Variants in PC observed in about 807,000 individuals in gnomAD.
PC encodes the protein pyruvate carboxylase.
PC carries 46 observed loss-of-function variants against 107.8 expected under a neutral mutation model. The ratio of observed to expected loss-of-function variants is 0.43; its 90% CI spans 0.34 to 0.55. The LOEUF (loss-of-function observed/expected upper bound fraction) is 0.55. Among genes scored for constraint, PC ranks in the 20% least tolerant of loss-of-function variants. The pLI is 0.04. For synonymous variants in PC, 662 were observed against 684.7 expected, an observed-to-expected ratio of 0.97 and a Z score of 0.52; for missense variants, 1,241 against 1,643.1, an observed-to-expected ratio of 0.76 and a Z score of 4.23.
chr11:66,849,674 G>A lies in PC; in HGVS notation c.3084C>T (p.Gly1028=). 1 of 1,614,202 alleles carries A rather than the reference G, an allele frequency of 6.2e-7. No homozygotes were observed. Residue 1028 remains glycine, a synonymous_variant, in exon 21 of 23, where the codon GGC becomes GGT. Transcript: ENST00000393960. The part of the protein sequence containing the change: ...AHFKDFTATF[G]PLDSLNTRLF... ...GGCGAGTATTCAGGCTATCCAGGGG[G>A]CCAAAGGTGGCAGTGAAGTCCTTGA... is the stretch of plus-strand genomic sequence containing the variant.
rs992601566 is a variant in PC, at chr11:66,945,368, C to A, written c.-1+7062G>T. ...AGTTCCACCTATTTTTGTGGCCATA[C>A]TGCATAACAAAAAGGAAGCCTTAAA... On this transcript the variant is annotated intron_variant, in intron 3 of 22. Transcript: ENST00000393960. 3.9e-5 allele frequency among the ~76,000 whole-genome samples: 4 copies of A among 101,606 alleles called. 1 individual carries two copies. The highest frequency in any genetic ancestry group is 8.3e-5 in the Non-Finnish European group (4 of 48,330). 66.7% of individuals were successfully genotyped at this position (101,606 alleles called of 152,430 possible).
intron 10 of PC, among the ~76,000 whole-genome samples, chr11:66,867,842 G>A (rs1164682008): frequency 6.6e-6 from 1 of 152,250 alleles, no homozygotes; most frequent in Admixed American, 6.5e-5. Context: ...CTAAGGGGAG[G>A]GAGGGGCCTC....
chr11:66,916,944 ACT>A (rs1948476668), intron 3 of PC, among the ~76,000 whole-genome samples: 1 of 151,326 alleles, frequency 6.6e-6, no homozygotes, highest in African/African-American at 2.4e-5. Context: ...ACAGAGTGAG[ACT>A]CTGTCTCAAA....
intron 3 of PC, among the ~76,000 whole-genome samples, chr11:66,898,160 C>CT (rs907346864): frequency 4.6e-5 from 7 of 152,126 alleles, no homozygotes; most frequent in Admixed American, 4.6e-4. Flanking sequence ...AGCTGGGGTC[C>CT]TCCCATGTTC....
In PC at chr11:66,858,418, C is replaced by T. The variant is rs1946009325; in HGVS notation, c.1369-5035G>A. ...GGGCGTGATGCAGAGGCCTCTCCCG[C>T]CCCCCTGGTGCTGAGCTTTAGCGGG... On this transcript the variant is annotated intron_variant, in intron 12 of 22. Transcript: ENST00000393960. This position sits in a 1 kb window ranked among gnomAD's most constrained non-coding sequence, Gnocchi z 5.9. 6.4e-7 allele frequency: 1 copy of T among 1,554,780 alleles called. No individual in the cohort carries two copies. The highest frequency in any genetic ancestry group is 8.6e-7 in the Non-Finnish European group (1 of 1,156,120).
intron 3 of PC, among the ~76,000 whole-genome samples, chr11:66,942,328 A>T (rs971785146): frequency 3.4e-5 from 5 of 148,236 alleles, no homozygotes; most frequent in Admixed American, 6.8e-5. Context: ...TGAACCCGGG[A>T]GGTGGAGCTT....
At chr11:66,860,654 C>T (rs1281887931) in intron 12 of PC, 2 of 701,566 alleles carry the variant, frequency 2.9e-6, no homozygotes, top group African/African-American at 1.7e-5. Flanking sequence ...AAGGGCTGTG[C>T]CTGGTGTCTT....
In PC at chr11:66,852,871, TGGGCAGAGGCTGAGTCGA is replaced by T; in HGVS notation, c.1514-53_1514-36del. The T allele has an allele frequency of 1.4e-6, 2 of 1,420,464 alleles. No individual in the cohort carries two copies. Among genetic ancestry groups the T allele is most frequent in the Non-Finnish European group, 1.9e-6 (2 of 1,028,968 alleles). The allele number at this position is 1,420,464 out of a possible 1,614,324, so 88.0% of individuals were successfully genotyped here. On this transcript the variant is annotated intron_variant, in intron 13 of 22. Coordinates refer to ENST00000393960, the MANE Select transcript of PC (RefSeq NM_001040716.2). The surrounding 1 kb of genome is among the most constrained non-coding windows in gnomAD (Gnocchi z 4.7). ...AAGCGGGCAGTGGGTCAGGGTGGGC[TGGGCAGAGGCTGAGTCGA>T]GGGCAGCAGTGAGAGTGGCTGGGCT...
In PC at chr11:66,872,012, A is replaced by C. The variant is rs201652131; in HGVS notation, c.136+12T>G. The C allele has an allele frequency of 7.8e-5, 122 of 1,557,698 alleles. 1 individual carries two copies. In the Middle Eastern group the frequency reaches 1.3e-3, roughly 17 times the overall value. Reference sequence around the variant, plus strand: ...CCATGAGGCTCCTCTCACCGGCCCCACTGGTGCTCACCTCTGTTGGCCACC... The same window carrying C: ...CCATGAGGCTCCTCTCACCGGCCCCCCTGGTGCTCACCTCTGTTGGCCACC... On this transcript the variant is annotated intron_variant, in intron 4 of 22. Transcript: ENST00000393960.
chr11:66,877,030 T>C (rs1355547994), intron 3 of PC, among the ~76,000 whole-genome samples: 2 of 152,192 alleles, frequency 1.3e-5, no homozygotes, highest in African/African-American at 2.4e-5. Context: ...CCGCAGGCAC[T>C]GCTGAGCATC....
At position 66,871,830 on chromosome 11, in the gene PC, C is replaced by G; in HGVS notation, c.178G>C (p.Gly60Arg). Residue 60 changes from glycine to arginine, a missense_variant, in exon 5 of 23, where the codon GGC becomes CGC. Gly to Arg is a moderately radical substitution (Grantham distance 125). Coordinates refer to ENST00000393960, the MANE Select transcript of PC (RefSeq NM_001040716.2). The surrounding 1 kb of genome is among the most constrained non-coding windows in gnomAD (Gnocchi z 7.4). ...IRVFRACTEL[G>R]IRTVAIYSEQ... ...GAGTAGATGGCTACGGTGCGGATGCCCAGCTCCGTGCAGGCCCGGAACACA... is the reference window on the plus strand; with the variant it reads ...GAGTAGATGGCTACGGTGCGGATGCGCAGCTCCGTGCAGGCCCGGAACACA... The G allele has an allele frequency of 6.2e-7, 1 of 1,609,000 alleles. No individual in the cohort carries two copies. The highest frequency in any genetic ancestry group is 1.1e-5 in the South Asian group (1 of 90,762).
rs778864483 is a variant in PC, at chr11:66,860,257, C to T, written c.1368+3517G>A. 7.8e-6 allele frequency: 12 copies of T among 1,535,332 alleles called. No homozygotes were observed. In the African/African-American group the frequency reaches 8.2e-5, roughly 11 times the overall value. On this transcript the variant is annotated intron_variant, in intron 12 of 22. Coordinates refer to ENST00000393960, the MANE Select transcript of PC (RefSeq NM_001040716.2). ...CCTCGTGGGGCAGAGGGCCCGGGGC[C>T]GCCGCCTGGCCTGGGAGTCCCTCCC...
rs768695574 is a variant in PC, at chr11:66,858,056, C to T, written c.1369-4673G>A. 3 of 1,610,258 alleles carry T rather than the reference C, an allele frequency of 1.9e-6. No homozygotes were observed. The highest frequency in any genetic ancestry group is 2.2e-5 in the South Asian group (2 of 91,048). On this transcript the variant is annotated intron_variant, in intron 12 of 22. Transcript: ENST00000393960. This position sits in a 1 kb window ranked among gnomAD's most constrained non-coding sequence, Gnocchi z 5.9. ...AGAGCCTGCGTTCCCTCCACCTTGA[C>T]GGCAACAGGCTGGTGGAGCTGGGCA...
chr11:66,925,138 A>G (rs1480567574), intron 3 of PC, among the ~76,000 whole-genome samples: 1 of 152,244 alleles, frequency 6.6e-6, no homozygotes, highest in South Asian at 2.1e-4. Context: ...TCACAGGACC[A>G]CAGGACCGGG....
intron 3 of PC, among the ~76,000 whole-genome samples, chr11:66,924,870 C>A (rs193269107): frequency 6.0e-4 from 92 of 152,272 alleles, no homozygotes; most frequent in African/African-American, 2.0e-3. Flanking sequence ...CAGGTAGGTT[C>A]TTTTCTATTT....
chr11:66,918,495 C>A (rs1415114331), intron 3 of PC, among the ~76,000 whole-genome samples: 1 of 151,706 alleles, frequency 6.6e-6, no homozygotes. Context: ...TTCAAGAGAT[C>A]CTGAGCAGCT....
At chr11:66,930,671 G>C (rs1778185831) in intron 3 of PC, among the ~76,000 whole-genome samples, 1 of 149,402 alleles carries the variant, frequency 6.7e-6, no homozygotes. Context: ...GAACTCGGGA[G>C]TCAGAGGTTG....
intron 3 of PC, among the ~76,000 whole-genome samples, chr11:66,920,383 G>A (rs1565287493): frequency 6.6e-6 from 1 of 152,040 alleles, no homozygotes; most frequent in Non-Finnish European, 1.5e-5. Flanking sequence ...AGCTGAAACT[G>A]TTAGGAAAAC....
chr11:66,881,580 A>G (rs1036728373), intron 3 of PC, among the ~76,000 whole-genome samples: 1 of 152,268 alleles, frequency 6.6e-6, no homozygotes, highest in Non-Finnish European at 1.5e-5. Flanking sequence ...TGCCGCTTCC[A>G]TAGCACACAA....
Sources: allele counts gnomAD v4.1 joint callset (sites outside exome capture counted in the v4.1 genomes callset), GRCh38; gene constraint gnomAD v4.1.1; non-coding constraint Gnocchi (gnomAD v3.1); transcripts MANE v1.5; gene names NCBI Gene and HGNC (gene_info 2026-07-23, HGNC 2026-07-21).